Variants in NPAS3 observed in about 807,000 individuals in gnomAD.
The protein encoded by NPAS3 is neuronal PAS domain protein 3, also known as neuronal PAS domain-containing protein 3.
A neutral mutation model predicts 73.1 loss-of-function variants in NPAS3; 14 were observed. The observed-to-expected ratio is 0.19, with a 90% CI of 0.13 to 0.30. The LOEUF (loss-of-function observed/expected upper bound fraction) is 0.30. Ranked by LOEUF, NPAS3 falls within the 10% of genes least tolerant of loss-of-function variation. NPAS3 has a pLI of 1.00. For synonymous variants in NPAS3, 620 were observed against 541.5 expected (o/e 1.14, Z -2.01); for missense variants, 1,096 against 1,250.0 (o/e 0.88, Z 1.86).
chr14:33,273,888 C>G (rs1030930619), intron 3 of NPAS3, among the ~76,000 whole-genome samples: 12 of 152,172 alleles, frequency 7.9e-5, no homozygotes, highest in Admixed American at 7.9e-4. Context: ...TAGTGACTCC[C>G]AAATCTGGTT....
In NPAS3 at chr14:33,662,869, C is replaced by CTT. The variant is rs550747845; in HGVS notation, c.559-13318_559-13317dup. ...TTGGGGCTGAGACAATGGGGTTTTC[C>CTT]TTTTTTTTTTTTTTTTTTTTTTTTT... On this transcript the variant is annotated intron_variant, in intron 5 of 11. Coordinates refer to ENST00000356141, the Ensembl canonical transcript of NPAS3. 5.0e-3 allele frequency among the ~76,000 whole-genome samples: 445 copies of CTT among 89,886 alleles called. 10 individuals carry two copies. Among genetic ancestry groups the CTT allele is most frequent in the African/African-American group, 0.015 (305 of 20,828 alleles). 59.0% of individuals were successfully genotyped at this position (89,886 alleles called of 152,430 possible). A position where few individuals can be genotyped will look rare whatever the true frequency, so the allele number is the denominator to read the frequency against.
intron 5 of NPAS3, among the ~76,000 whole-genome samples, chr14:33,573,021 CAAAAAAAAAAA>C (rs1172844613): frequency 1.6e-5 from 1 of 61,592 alleles, no homozygotes; most frequent in Non-Finnish European, 3.3e-5. Context: ...GACTTCTTCT[CAAAAAAAAAAA>C]AAAAAAAAAA....
chr14:33,443,973 C>T (rs1420227784), intron 4 of NPAS3, among the ~76,000 whole-genome samples: 1 of 152,170 alleles, frequency 6.6e-6, no homozygotes, highest in African/African-American at 2.4e-5. Context: ...CACTGTGGTA[C>T]TGGATCTTTT....
chr14:33,698,193 T>A (rs1179539021), intron 6 of NPAS3, among the ~76,000 whole-genome samples: 1 of 152,186 alleles, frequency 6.6e-6, no homozygotes, highest in Admixed American at 6.5e-5. Context: ...CTAGGAAAGA[T>A]AACTACAGGT....
chr14:33,160,460 G>A (rs2044823584), intron 2 of NPAS3, among the ~76,000 whole-genome samples: 1 of 133,128 alleles, frequency 7.5e-6, no homozygotes, highest in Admixed American at 8.5e-5. Flanking sequence ...GTGGCTCTGG[G>A]AAGGGGAACA....
chr14:33,509,375 A>G (rs1278435848), intron 4 of NPAS3, among the ~76,000 whole-genome samples: 1 of 152,020 alleles, frequency 6.6e-6, no homozygotes, highest in Non-Finnish European at 1.5e-5. Flanking sequence ...ATTCCATTTT[A>G]CAGATGAAAA....
intron 2 of NPAS3, among the ~76,000 whole-genome samples, chr14:33,117,012 T>A (rs966895284): frequency 6.6e-6 from 1 of 152,154 alleles, no homozygotes; most frequent in African/African-American, 2.4e-5. Context: ...AACATGTTCT[T>A]TCTTTATAAT....
chr14:33,139,419 T>C (rs1054765706), intron 2 of NPAS3, among the ~76,000 whole-genome samples: 1 of 152,210 alleles, frequency 6.6e-6, no homozygotes, highest in Non-Finnish European at 1.5e-5. Flanking sequence ...AATGGTTTTC[T>C]TCACATTATT....
chr14:33,664,134 G>C (rs2059386644), intron 5 of NPAS3, among the ~76,000 whole-genome samples: 1 of 152,116 alleles, frequency 6.6e-6, no homozygotes, highest in Non-Finnish European at 1.5e-5. Context: ...CAATGCTACA[G>C]TAATCAAAAC....
At chr14:33,393,437 C>T (rs2047090857) in intron 4 of NPAS3, among the ~76,000 whole-genome samples, 1 of 152,148 alleles carries the variant, frequency 6.6e-6, no homozygotes, top group African/African-American at 2.4e-5. Flanking sequence ...TGCATGTTTC[C>T]TTGGAGCGCT....
intron 1 of NPAS3, among the ~76,000 whole-genome samples, chr14:32,959,123 A>T (rs1170967979): frequency 1.3e-5 from 2 of 152,190 alleles, no homozygotes; most frequent in East Asian, 1.9e-4. Flanking sequence ...GTTTGCTTTG[A>T]CCAGTGAAAT....
At chr14:32,998,160 TTG>T (rs1195759184) in intron 1 of NPAS3, among the ~76,000 whole-genome samples, 2 of 152,138 alleles carry the variant, frequency 1.3e-5, no homozygotes, top group Non-Finnish European at 2.9e-5. Context: ...GAAAAAGAAA[TTG>T]TGTTATAAAT....
At chr14:33,121,976 A>C (rs1444220335) in intron 2 of NPAS3, among the ~76,000 whole-genome samples, 2 of 152,156 alleles carry the variant, frequency 1.3e-5, no homozygotes, top group Middle Eastern at 6.3e-3. Flanking sequence ...AAAACAGTGT[A>C]TTTTACTTAC....
intron 1 of NPAS3, among the ~76,000 whole-genome samples, chr14:33,024,462 G>A (rs895077849): frequency 6.6e-5 from 10 of 152,020 alleles, no homozygotes; most frequent in African/African-American, 2.4e-4. Context: ...GAGCCACCGC[G>A]CCTGGCCTCC....
intron 4 of NPAS3, among the ~76,000 whole-genome samples, chr14:33,382,268 TACTG>T (rs1195878796): frequency 1.3e-5 from 2 of 152,212 alleles, no homozygotes; most frequent in South Asian, 2.1e-4. Context: ...TTTATTTTCT[TACTG>T]ACACCTCCCG....
chr14:33,080,331 C>G (rs2041826295), intron 2 of NPAS3, among the ~76,000 whole-genome samples: 1 of 152,156 alleles, frequency 6.6e-6, no homozygotes. Context: ...TGGTCTCAAT[C>G]TCCTGACCTC....
intron 9 of NPAS3, among the ~76,000 whole-genome samples, chr14:33,792,761 T>C (rs2063397432): frequency 6.6e-6 from 1 of 152,238 alleles, no homozygotes; most frequent in Non-Finnish European, 1.5e-5. Flanking sequence ...ATTTAGCAGC[T>C]AATTTAGCCA....
At chr14:33,100,841 C>T (rs1438021209) in intron 2 of NPAS3, among the ~76,000 whole-genome samples, 1 of 152,142 alleles carries the variant, frequency 6.6e-6, no homozygotes, top group Non-Finnish European at 1.5e-5. Flanking sequence ...TCTGCTATTG[C>T]TTATAAATGG....
At position 33,589,245 on chromosome 14, in the gene NPAS3, G is replaced by A. The variant is rs75466613; in HGVS notation, c.558+29035G>A. ...TTTTGTCCATCTTCTATTAAATAGA[G>A]TCACTTAGACAAGAACCGTCTCCCT... is the stretch of plus-strand genomic sequence containing the variant. On this transcript the variant is annotated intron_variant, in intron 5 of 11. Transcript: ENST00000356141. Among the ~76,000 whole-genome samples the A allele has an allele frequency of 0.015, 2,312 of 152,190 alleles. 111 individuals carry two copies. In the East Asian group the frequency reaches 0.19, roughly 13 times the overall value.
Sources: allele counts gnomAD v4.1 joint callset (sites outside exome capture counted in the v4.1 genomes callset), GRCh38; gene constraint gnomAD v4.1.1; transcripts MANE v1.5; gene names NCBI Gene and HGNC (gene_info 2026-07-23, HGNC 2026-07-21).